SLC7A8: variants seen among roughly 807,000 people sequenced by gnomAD.
SLC7A8 encodes the protein large neutral amino acids transporter small subunit 2.
Under a neutral mutation model 51.2 loss-of-function variants are expected in SLC7A8, and 30 were observed. That is an observed-to-expected ratio of 0.59 (90% CI 0.44 to 0.80). SLC7A8 has a LOEUF of 0.80. Among genes scored for constraint, SLC7A8 ranks in the 30% least tolerant of loss-of-function variants. The pLI, the probability that SLC7A8 is intolerant of heterozygous loss-of-function variation, is 0.00. For missense variants in SLC7A8, 612 were observed against 674.4 expected (o/e 0.91, Z 1.03); for synonymous variants, 257 against 275.8 (o/e 0.93, Z 0.67).
chr14:23,150,195 T>C (rs1335985942), intron 3 of SLC7A8, among the ~76,000 whole-genome samples: 4 of 152,086 alleles, frequency 2.6e-5, no homozygotes, highest in Non-Finnish European at 5.9e-5. Flanking sequence ...TAAGGATGGG[T>C]TGGGGAGTCG....
chr14:23,151,495 A>C (rs1421657217), intron 3 of SLC7A8, among the ~76,000 whole-genome samples: 3 of 152,086 alleles, frequency 2.0e-5, no homozygotes, highest in African/African-American at 7.2e-5. Context: ...AGTCACTGAC[A>C]CCTGTAATCC....
At position 23,127,189 on chromosome 14, in the gene SLC7A8, C is replaced by A; in HGVS notation, c.1596G>T (p.Gln532His). The A allele has an allele frequency of 6.2e-7, 1 of 1,614,042 alleles. No homozygotes were observed. The highest frequency in any genetic ancestry group is 8.5e-7 in the Non-Finnish European group (1 of 1,179,948). The change falls in exon 11 of 11, where the codon CAG (glutamine) becomes CAT (histidine). Residue 532 changes from glutamine to histidine, a missense_variant. By Grantham distance (24) the Gln-to-His change is conservative. Coordinates refer to ENST00000316902, the MANE Select transcript of SLC7A8 (RefSeq NM_012244.4). ...GGAATGGTGGTCCTCAGGGCTGGGGCTGCCCCGCCACGTCCTTGTCCTTCG... is the reference window on the plus strand; with the variant it reads ...GGAATGGTGGTCCTCAGGGCTGGGGATGCCCCGCCACGTCCTTGTCCTTCG... ...TPTKDKDVAGQPQP is the reference protein window; with the variant it reads ...TPTKDKDVAGHPQP
Position 23,128,380 on chromosome 14 carries a change from T to C in SLC7A8, c.1264-184A>G, listed in dbSNP as rs1230200682. On this transcript the variant is annotated intron_variant, in intron 9 of 10. Coordinates refer to ENST00000316902, the MANE Select transcript of SLC7A8 (RefSeq NM_012244.4). This position sits in a 1 kb window ranked among gnomAD's most constrained non-coding sequence, Gnocchi z 4.3. The stretch of plus-strand genomic sequence containing the variant: ...AGGGCAGGGGCTATATAAACAAATG[T>C]TGATGAACATGGTCGGTCAGACAGG... 6.5e-7 allele frequency: 1 copy of C among 1,529,358 alleles called. No individual in the cohort carries two copies. The highest frequency in any genetic ancestry group is 2.0e-5 in the Admixed American group (1 of 50,728). The allele number at this position is 1,529,358 out of a possible 1,614,324, so 94.7% of individuals were successfully genotyped here. A position where few individuals can be genotyped will look rare whatever the true frequency, so the allele number is the denominator to read the frequency against.
chr14:23,155,592 A>C, intron 3 of SLC7A8: 1 of 864,030 alleles, frequency 1.2e-6, no homozygotes, highest in Non-Finnish European at 1.5e-6. Flanking sequence ...AAAACTGGAC[A>C]CCAAGAAATC....
intron 3 of SLC7A8, among the ~76,000 whole-genome samples, chr14:23,150,121 C>T (rs1284735154): frequency 2.6e-5 from 4 of 152,098 alleles, no homozygotes; most frequent in East Asian, 1.9e-4. Context: ...TTCTTTAGTG[C>T]CTTTTGAAAT....
chr14:23,133,235 T>G (rs2048656812), intron 7 of SLC7A8, among the ~76,000 whole-genome samples: 1 of 152,070 alleles, frequency 6.6e-6, no homozygotes, highest in Non-Finnish European at 1.5e-5. Flanking sequence ...CCCGGAAGTT[T>G]GAGGCCAGTC....
At chr14:23,137,719 C>G (rs541750804) in intron 7 of SLC7A8, among the ~76,000 whole-genome samples, 1 of 152,250 alleles carries the variant, frequency 6.6e-6, no homozygotes, top group South Asian at 2.1e-4. Flanking sequence ...CCACACACAT[C>G]GCAGGTGACC....
At chr14:23,153,477 C>T (rs1283378651) in intron 3 of SLC7A8, among the ~76,000 whole-genome samples, 1 of 152,190 alleles carries the variant, frequency 6.6e-6, no homozygotes, top group Admixed American at 6.5e-5. Context: ...ATGGTCACTA[C>T]TGCCAGTGCC....
intron 1 of SLC7A8, among the ~76,000 whole-genome samples, chr14:23,180,092 G>A (rs1313155663): frequency 6.6e-6 from 1 of 152,028 alleles, no homozygotes. Context: ...TTTTTTAGTA[G>A]AGACGAGGTT....
chr14:23,144,460 T>C (rs1396438042), intron 3 of SLC7A8, among the ~76,000 whole-genome samples: 2 of 151,558 alleles, frequency 1.3e-5, no homozygotes, highest in Non-Finnish European at 2.9e-5. Context: ...TTATTTACCA[T>C]CCATTTACAA....
intron 3 of SLC7A8, chr14:23,154,549 G>C: frequency 1.1e-6 from 1 of 917,924 alleles, no homozygotes; most frequent in Non-Finnish European, 1.3e-6. Context: ...AGCCGCTTCG[G>C]CTTGGCCTGT....
intron 1 of SLC7A8, among the ~76,000 whole-genome samples, chr14:23,181,193 G>A (rs1462452543): frequency 6.6e-6 from 1 of 152,062 alleles, no homozygotes; most frequent in Non-Finnish European, 1.5e-5. Flanking sequence ...ATTGGTGAAC[G>A]GGCTATTTAT....
chr14:23,157,075 G>C (rs1285017503), intron 3 of SLC7A8, among the ~76,000 whole-genome samples: 1 of 152,220 alleles, frequency 6.6e-6, no homozygotes, highest in Admixed American at 6.5e-5. Flanking sequence ...GTGTTGAAGA[G>C]TGAGTAGAAA....
chr14:23,170,994 G>T (rs1689986442), intron 1 of SLC7A8, among the ~76,000 whole-genome samples: 1 of 152,160 alleles, frequency 6.6e-6, no homozygotes, highest in South Asian at 2.1e-4. Context: ...TTCCTAAAGT[G>T]CTGAGATTAC....
intron 3 of SLC7A8, among the ~76,000 whole-genome samples, chr14:23,161,586 T>TGGTGGAGGTAGGTG (rs2048922593): frequency 2.6e-5 from 1 of 38,612 alleles, no homozygotes; most frequent in Non-Finnish European, 6.3e-5. Flanking sequence ...GGCTGGATGA[T>TGGTGGAGGTAGGTG]GGTGGGGGTA....
Position 23,179,646 on chromosome 14 carries a change from A to G in SLC7A8, c.151+3118T>C, listed in dbSNP as rs552162946. ...GATACAGTGAGACCCTGTTTCTACA[A>G]GAAAAAATTTAAAATAGCTAGGTGT... On this transcript the variant is annotated intron_variant, in intron 1 of 10. Coordinates refer to ENST00000316902, the MANE Select transcript of SLC7A8 (RefSeq NM_012244.4). Among the ~76,000 whole-genome samples the G allele has an allele frequency of 1.2e-4, 18 of 152,130 alleles. 1 individual carries two copies. The highest frequency in any genetic ancestry group is 7.8e-4 in the Admixed American group (12 of 15,290).
At chr14:23,172,253 A>C (rs1159447975) in intron 1 of SLC7A8, among the ~76,000 whole-genome samples, 1 of 152,188 alleles carries the variant, frequency 6.6e-6, no homozygotes, top group Non-Finnish European at 1.5e-5. Context: ...CTTGCTTTGG[A>C]GGCTTGGCTC....
chr14:23,180,684 T>C (rs55778614), intron 1 of SLC7A8, among the ~76,000 whole-genome samples: 6,100 of 152,252 alleles, frequency 0.04, 177 homozygotes, highest in Non-Finnish European at 0.064. Context: ...TAGTAACATA[T>C]ACCCACAGAA....
At chr14:23,151,517 G>A (rs2048847102) in intron 3 of SLC7A8, among the ~76,000 whole-genome samples, 1 of 152,138 alleles carries the variant, frequency 6.6e-6, no homozygotes, top group Non-Finnish European at 1.5e-5. Context: ...AGTGACAGTA[G>A]AGACTGAGGT....
Sources: gnomAD v4.1 joint callset for allele counts (sites outside exome capture counted in the v4.1 genomes callset) on GRCh38, gnomAD v4.1.1 for gene constraint, Gnocchi (gnomAD v3.1) non-coding constraint, MANE v1.5 for transcripts, NCBI Gene and HGNC (gene_info 2026-07-23, HGNC 2026-07-21) for gene names.